Variants in KHDRBS2 observed in about 807,000 individuals in gnomAD.
KHDRBS2 encodes the protein KH RNA binding domain containing, signal transduction associated 2.
A neutral mutation model predicts 44.3 loss-of-function variants in KHDRBS2; 26 were observed. That is an observed-to-expected ratio of 0.59 (90% CI 0.43 to 0.81). The LOEUF is 0.81. Ranked by LOEUF, KHDRBS2 falls within the 40% of genes least tolerant of loss-of-function variation. The probability of loss-of-function intolerance (pLI) is 0.00; values close to 1 mark genes in which losing one functional copy is unlikely to be tolerated. For synonymous variants in KHDRBS2, 194 were observed against 151.1 expected, an observed-to-expected ratio of 1.28 and a Z score of -2.08; for missense variants, 476 against 433.1, an observed-to-expected ratio of 1.10 and a Z score of -0.88.
At chr6:61,810,836 G>A (rs1409209377) in intron 6 of KHDRBS2, among the ~76,000 whole-genome samples, 15 of 151,954 alleles carry the variant, frequency 9.9e-5, no homozygotes. Context: ...CTCTTTTGGG[G>A]GTACAAAGGA....
Position 62,193,055 on chromosome 6 carries a change from A to T in KHDRBS2, c.92-15743T>A, listed in dbSNP as rs560782462. 8.5e-5 allele frequency among the ~76,000 whole-genome samples: 13 copies of T among 152,270 alleles called. No individual in the cohort carries two copies. The South Asian group carries it at 2.5e-3, about 29-fold the overall frequency. On this transcript the variant is annotated intron_variant, in intron 1 of 8. Transcript: ENST00000281156. Reference sequence around the variant, plus strand: ...TCCCTTAGCATCAATATTTTGGCTGAATATAATAAATACTAATACTATCAC... The same window carrying T: ...TCCCTTAGCATCAATATTTTGGCTGTATATAATAAATACTAATACTATCAC...
chr6:61,779,789 A>C (rs949995711), intron 6 of KHDRBS2, among the ~76,000 whole-genome samples: 9 of 152,146 alleles, frequency 5.9e-5, no homozygotes, highest in Admixed American at 2.0e-4. Context: ...TAACCCCAGG[A>C]GGTAGGGACT....
At chr6:61,827,362 GAGA>G (rs1473174976) in intron 6 of KHDRBS2, among the ~76,000 whole-genome samples, 1 of 152,172 alleles carries the variant, frequency 6.6e-6, no homozygotes, top group Non-Finnish European at 1.5e-5. Flanking sequence ...TTTGGGGAAG[GAGA>G]AGAAGTCAGA....
the KHDRBS2 span, among the ~76,000 whole-genome samples, chr6:61,637,652 A>G: frequency 6.6e-6 from 1 of 152,160 alleles, no homozygotes; most frequent in Non-Finnish European, 1.5e-5. Context: ...TCCCACCAAC[A>G]GTGTAAAAGT....
the KHDRBS2 span, among the ~76,000 whole-genome samples, chr6:61,557,525 C>A: frequency 6.6e-6 from 1 of 152,114 alleles, no homozygotes; most frequent in Non-Finnish European, 1.5e-5. Flanking sequence ...TAGTAAAACA[C>A]TCCTTGCTAG....
the KHDRBS2 span, chr6:61,574,362 C>G: frequency 2.6e-6 from 4 of 1,527,006 alleles, no homozygotes; most frequent in Non-Finnish European, 3.5e-6. Context: ...CTCTTACTTT[C>G]AACCACTGCA....
chr6:61,549,739 A>G, the KHDRBS2 span, among the ~76,000 whole-genome samples: 1 of 152,202 alleles, frequency 6.6e-6, no homozygotes, highest in Non-Finnish European at 1.5e-5. Context: ...TAACCTTTTC[A>G]GATGATTATG....
intron 1 of KHDRBS2, among the ~76,000 whole-genome samples, chr6:62,234,188 A>G (rs1257188445): frequency 2.0e-5 from 3 of 152,156 alleles, no homozygotes; most frequent in Admixed American, 6.6e-5. Flanking sequence ...TGGAATGATC[A>G]AGGTAAAAAC....
At chr6:62,036,281 T>C (rs1458730474) in intron 3 of KHDRBS2, among the ~76,000 whole-genome samples, 3 of 151,970 alleles carry the variant, frequency 2.0e-5, no homozygotes, top group South Asian at 2.1e-4. Context: ...CTCAACTTTA[T>C]AGAGGCCATA....
the KHDRBS2 span, among the ~76,000 whole-genome samples, chr6:61,560,907 G>A: frequency 1.3e-5 from 2 of 152,054 alleles, no homozygotes; most frequent in Non-Finnish European, 2.9e-5. Flanking sequence ...TGAAGAGTTA[G>A]GTACCTATTT....
At chr6:61,955,053 T>TATACATAC (rs1766258424) in intron 4 of KHDRBS2, among the ~76,000 whole-genome samples, 1 of 144,796 alleles carries the variant, frequency 6.9e-6, no homozygotes, top group Non-Finnish European at 1.5e-5. Flanking sequence ...TGTATACATA[T>TATACATAC]ATGTATGTAT....
chr6:62,051,259 T>A (rs1175291648), intron 2 of KHDRBS2, among the ~76,000 whole-genome samples: 2 of 152,070 alleles, frequency 1.3e-5, no homozygotes, highest in African/African-American at 2.4e-5. Flanking sequence ...AAATAGCATT[T>A]TAATTGAGAA....
intron 1 of KHDRBS2, among the ~76,000 whole-genome samples, chr6:62,256,809 G>A (rs73760339): frequency 0.012 from 1,755 of 152,130 alleles, 37 homozygotes; most frequent in African/African-American, 0.039. Flanking sequence ...TGGAATATGG[G>A]AACAGAAACT....
intron 6 of KHDRBS2, among the ~76,000 whole-genome samples, chr6:61,876,011 A>G (rs1799362742): frequency 6.6e-6 from 1 of 152,080 alleles, no homozygotes; most frequent in African/African-American, 2.4e-5. Context: ...ATAGAAAAAG[A>G]CATTATTTAT....
intron 1 of KHDRBS2, among the ~76,000 whole-genome samples, chr6:62,247,732 C>T (rs1835849245): frequency 6.6e-6 from 1 of 151,984 alleles, no homozygotes; most frequent in African/African-American, 2.4e-5. Flanking sequence ...ACCTATAAGC[C>T]TTTTGCACAA....
At chr6:62,118,025 C>T (rs1470762178) in intron 2 of KHDRBS2, among the ~76,000 whole-genome samples, 2 of 152,154 alleles carry the variant, frequency 1.3e-5, no homozygotes, top group African/African-American at 4.8e-5. Context: ...ATCTGCCCGC[C>T]TTGGCCTCCC....
intron 6 of KHDRBS2, among the ~76,000 whole-genome samples, chr6:61,770,493 G>A (rs1182703021): frequency 2.6e-5 from 4 of 152,270 alleles, no homozygotes; most frequent in African/African-American, 4.8e-5. Flanking sequence ...GTACTTAAAG[G>A]ACCTGATGGA....
At chr6:61,788,612 C>T (rs1309900321) in intron 6 of KHDRBS2, among the ~76,000 whole-genome samples, 2 of 151,074 alleles carry the variant, frequency 1.3e-5, no homozygotes, top group African/African-American at 4.8e-5. Context: ...TACCACATAT[C>T]TAATTAAGTA....
chr6:61,818,420 A>G (rs1005816), intron 6 of KHDRBS2, among the ~76,000 whole-genome samples: 96,880 of 151,704 alleles, frequency 0.64, 31,748 homozygotes, highest in African/African-American at 0.8. Context: ...AAGTGGAAGC[A>G]CCAATGCTAA....
Sources: gnomAD v4.1 joint callset for allele counts (sites outside exome capture counted in the v4.1 genomes callset) on GRCh38, gnomAD v4.1.1 for gene constraint, MANE v1.5 for transcripts, NCBI Gene and HGNC (gene_info 2026-07-23, HGNC 2026-07-21) for gene names.